Variants in SLC35F1 observed in about 807,000 individuals in gnomAD.
SLC35F1 encodes solute carrier family 35 member F1.
A neutral mutation model predicts 48.7 loss-of-function variants in SLC35F1; 14 were observed. The observed-to-expected ratio is 0.29, with a 90% CI of 0.19 to 0.45. The LOEUF (loss-of-function observed/expected upper bound fraction) is 0.45. Ranked by LOEUF, SLC35F1 falls within the 20% of genes least tolerant of loss-of-function variation. SLC35F1 has a pLI of 1.00. For synonymous variants in SLC35F1, 190 were observed against 202.2 expected, an observed-to-expected ratio of 0.94 and a Z score of 0.51; for missense variants, 404 against 500.0, an observed-to-expected ratio of 0.81 and a Z score of 1.83.
At chr6:118,189,533 A>G (rs931584901) in intron 2 of SLC35F1, among the ~76,000 whole-genome samples, 2 of 152,352 alleles carry the variant, frequency 1.3e-5, no homozygotes, top group Admixed American at 6.5e-5. Context: ...TAGCAGATAT[A>G]TGGTTCACAA....
chr6:118,042,906 G>C (rs1179844049), intron 1 of SLC35F1, among the ~76,000 whole-genome samples: 2 of 152,114 alleles, frequency 1.3e-5, no homozygotes, highest in South Asian at 2.1e-4. Context: ...ATAGAAAACA[G>C]AGGTGGAGGA....
At chr6:117,911,581 G>A (rs1381276837) in intron 1 of SLC35F1, among the ~76,000 whole-genome samples, 1 of 151,660 alleles carries the variant, frequency 6.6e-6, no homozygotes, top group African/African-American at 2.4e-5. Context: ...GAATACAGGT[G>A]CACACCACCA....
chr6:118,261,051 C>T (rs538620350), intron 3 of SLC35F1, among the ~76,000 whole-genome samples: 2 of 152,302 alleles, frequency 1.3e-5, no homozygotes, highest in African/African-American at 2.4e-5. Context: ...TACACAGATT[C>T]CATTGCACAA....
intron 1 of SLC35F1, among the ~76,000 whole-genome samples, chr6:118,034,776 C>T (rs1188482043): frequency 6.6e-6 from 1 of 151,836 alleles, no homozygotes; most frequent in Non-Finnish European, 1.5e-5. Flanking sequence ...ATATAATCCT[C>T]CCAGACTCTT....
At chr6:117,963,634 G>C (rs917662524) in intron 1 of SLC35F1, among the ~76,000 whole-genome samples, 9 of 152,054 alleles carry the variant, frequency 5.9e-5, no homozygotes, top group Admixed American at 1.3e-4. Context: ...CTGAATTCTT[G>C]AAGATTTTTC....
chr6:118,300,649 A>T (rs988377937), intron 7 of SLC35F1, among the ~76,000 whole-genome samples: 4 of 152,172 alleles, frequency 2.6e-5, no homozygotes, highest in African/African-American at 9.7e-5. Context: ...ATGGTTTATG[A>T]TCAGTTTTAA....
At chr6:118,090,980 C>T (rs1773065254) in intron 1 of SLC35F1, among the ~76,000 whole-genome samples, 4 of 151,912 alleles carry the variant, frequency 2.6e-5, no homozygotes, top group African/African-American at 4.8e-5. Context: ...GAAGGAGGAG[C>T]TGATGGGACT....
At chr6:118,187,027 T>C (rs1054339598) in intron 2 of SLC35F1, among the ~76,000 whole-genome samples, 4 of 152,224 alleles carry the variant, frequency 2.6e-5, no homozygotes, top group African/African-American at 4.8e-5. Flanking sequence ...TCTATCTCTC[T>C]ATCTCATTCT....
intron 4 of SLC35F1, among the ~76,000 whole-genome samples, chr6:118,268,600 ATTTTTTTTT>A (rs139088554): frequency 0.018 from 1,624 of 87,890 alleles, 47 homozygotes; most frequent in African/African-American, 0.072. Flanking sequence ...ATATATATAT[ATTTTTTTTT>A]TTTTTTTTTT....
intron 1 of SLC35F1, among the ~76,000 whole-genome samples, chr6:117,955,907 C>T (rs1036999231): frequency 4.6e-5 from 7 of 152,188 alleles, no homozygotes; most frequent in African/African-American, 1.7e-4. Flanking sequence ...GAACTAAGCA[C>T]TGAAAAGCAA....
intron 1 of SLC35F1, among the ~76,000 whole-genome samples, chr6:117,932,060 T>A (rs549926924): frequency 1.7e-4 from 26 of 152,042 alleles, no homozygotes; most frequent in Non-Finnish European, 3.4e-4. Context: ...ATAAAAGAGG[T>A]TTCAGAGAGC....
intron 3 of SLC35F1, among the ~76,000 whole-genome samples, chr6:118,239,358 T>C (rs992820396): frequency 1.3e-5 from 2 of 151,354 alleles, no homozygotes; most frequent in African/African-American, 4.9e-5. Context: ...AGAATGTTCA[T>C]AGAGGTAGGA....
At chr6:118,214,454 A>T (rs951830860) in intron 2 of SLC35F1, among the ~76,000 whole-genome samples, 1 of 152,202 alleles carries the variant, frequency 6.6e-6, no homozygotes, top group Non-Finnish European at 1.5e-5. Context: ...CAAAAAAATG[A>T]TTCATTGTAG....
At chr6:117,937,774 A>C (rs1321306897) in intron 1 of SLC35F1, among the ~76,000 whole-genome samples, 1 of 152,196 alleles carries the variant, frequency 6.6e-6, no homozygotes, top group Non-Finnish European at 1.5e-5. Flanking sequence ...TAAATTCTCC[A>C]TTTTGAGCTG....
intron 1 of SLC35F1, among the ~76,000 whole-genome samples, chr6:118,120,802 G>C (rs562667955): frequency 1.3e-5 from 2 of 152,088 alleles, no homozygotes; most frequent in East Asian, 3.9e-4. Context: ...AATCCATTAA[G>C]ATTCTTAAAT....
chr6:118,228,024 C>T (rs755138884), intron 2 of SLC35F1, among the ~76,000 whole-genome samples: 17 of 152,156 alleles, frequency 1.1e-4, no homozygotes, highest in Non-Finnish European at 1.9e-4. Context: ...CCAATTCCTA[C>T]GTGCCACACA....
At chr6:118,233,319 A>G (rs1239555634) in intron 2 of SLC35F1, among the ~76,000 whole-genome samples, 3 of 152,212 alleles carry the variant, frequency 2.0e-5, no homozygotes, top group African/African-American at 7.2e-5. Context: ...GTTGAGAATC[A>G]CTGATTGACA....
intron 1 of SLC35F1, among the ~76,000 whole-genome samples, chr6:117,945,420 G>A (rs572061737): frequency 6.6e-6 from 1 of 152,278 alleles, no homozygotes; most frequent in East Asian, 1.9e-4. Context: ...TCCCCATCCT[G>A]CAAGGTGGGC....
intron 1 of SLC35F1, among the ~76,000 whole-genome samples, chr6:117,985,459 C>T (rs12664757): frequency 0.4 from 61,223 of 152,034 alleles, 12,705 homozygotes; most frequent in South Asian, 0.53. Context: ...GAATTTATAG[C>T]TCAACTTGTA....
Sources: allele counts gnomAD v4.1 joint callset (sites outside exome capture counted in the v4.1 genomes callset), GRCh38; gene constraint gnomAD v4.1.1; transcripts MANE v1.5; gene names NCBI Gene and HGNC (gene_info 2026-07-23, HGNC 2026-07-21).